The following EYS variants were observed in gnomAD, a reference collection of about 807,000 sequenced individuals.
EYS encodes protein eyes shut homolog.
A neutral mutation model predicts 282.1 loss-of-function variants in EYS; 250 were observed. That is an observed-to-expected ratio of 0.89 (90% CI 0.80 to 0.98). EYS has a LOEUF of 0.98. EYS is among the 50% of genes least tolerant of loss of function. The probability of loss-of-function intolerance (pLI) is 0.00; values close to 1 mark genes in which losing one functional copy is unlikely to be tolerated. For missense variants in EYS, 4,016 were observed against 3,709.0 expected, an observed-to-expected ratio of 1.08 and a Z score of -2.15; for synonymous variants, 1,355 against 1,282.9, an observed-to-expected ratio of 1.06 and a Z score of -1.20.
intron 41 of EYS, among the ~76,000 whole-genome samples, chr6:63,739,734 C>T (rs1769023658): frequency 6.6e-6 from 1 of 152,112 alleles, no homozygotes; most frequent in Non-Finnish European, 1.5e-5. Context: ...TGCTCTGTCT[C>T]CTAGGCTGGA....
chr6:64,538,674 C>T (rs1562048678), intron 26 of EYS, among the ~76,000 whole-genome samples: 1 of 152,114 alleles, frequency 6.6e-6, no homozygotes, highest in Non-Finnish European at 1.5e-5. Flanking sequence ...TTACTAAGTG[C>T]ACTTATTGTG....
chr6:63,842,214 G>T (rs1470229748), intron 36 of EYS, among the ~76,000 whole-genome samples: 2 of 152,046 alleles, frequency 1.3e-5, no homozygotes, highest in African/African-American at 4.8e-5. Flanking sequence ...GAACTAATTT[G>T]CACTCCCACC....
chr6:65,603,038 A>G (rs1290823065), intron 2 of EYS, among the ~76,000 whole-genome samples: 1 of 151,936 alleles, frequency 6.6e-6, no homozygotes, highest in East Asian at 1.9e-4. Flanking sequence ...GAGATTCAGA[A>G]ATGTGGATAC....
intron 30 of EYS, among the ~76,000 whole-genome samples, chr6:64,295,742 A>T (rs115726410): frequency 0.024 from 3,396 of 143,070 alleles, 125 homozygotes; most frequent in African/African-American, 0.083. Flanking sequence ...AAAAAAAAAA[A>T]GAAAATGGGT....
At chr6:64,508,917 T>A (rs946243946) in intron 26 of EYS, among the ~76,000 whole-genome samples, 1 of 151,980 alleles carries the variant, frequency 6.6e-6, no homozygotes, top group African/African-American at 2.4e-5. Context: ...ATGTTTATGC[T>A]TTTAGCCAGA....
chr6:64,784,272 T>G (rs1773951112), intron 22 of EYS, among the ~76,000 whole-genome samples: 1 of 152,096 alleles, frequency 6.6e-6, no homozygotes, highest in African/African-American at 2.4e-5. Flanking sequence ...AAAATAATTG[T>G]TTTTTCCTAA....
At chr6:65,439,991 G>A (rs1004803798) in intron 5 of EYS, among the ~76,000 whole-genome samples, 2 of 152,014 alleles carry the variant, frequency 1.3e-5, no homozygotes, top group African/African-American at 4.8e-5. Context: ...AGCAGACTAG[G>A]AGGAGGAGGT....
intron 29 of EYS, among the ~76,000 whole-genome samples, chr6:64,358,832 C>T (rs572090540): frequency 6.7e-4 from 102 of 151,750 alleles, no homozygotes; most frequent in African/African-American, 2.3e-3. Flanking sequence ...TTTGTCAAAG[C>T]AGAAGAAATG....
chr6:64,570,836 G>T (rs897971181), intron 26 of EYS, among the ~76,000 whole-genome samples: 17 of 152,060 alleles, frequency 1.1e-4, no homozygotes, highest in African/African-American at 4.1e-4. Flanking sequence ...ATAATGGTGG[G>T]AGATTTTAAC....
intron 36 of EYS, among the ~76,000 whole-genome samples, chr6:63,811,567 A>G (rs1261215419): frequency 2.0e-5 from 3 of 152,028 alleles, no homozygotes; most frequent in Non-Finnish European, 4.4e-5. Flanking sequence ...GATCATGAGT[A>G]CCGTTTACAG....
chr6:64,136,505 C>T (rs1278289461), intron 31 of EYS, among the ~76,000 whole-genome samples: 2 of 152,036 alleles, frequency 1.3e-5, no homozygotes, highest in African/African-American at 2.4e-5. Flanking sequence ...GCAGCTATAA[C>T]CTTACAAAAT....
intron 2 of EYS, among the ~76,000 whole-genome samples, chr6:65,512,268 G>A (rs898535293): frequency 4.0e-5 from 6 of 151,856 alleles, no homozygotes; most frequent in Non-Finnish European, 7.4e-5. Context: ...CAAGGCAGGC[G>A]GTTCACGAGG....
intron 2 of EYS, among the ~76,000 whole-genome samples, chr6:65,606,621 A>G (rs1388918741): frequency 6.6e-6 from 1 of 151,838 alleles, no homozygotes; most frequent in African/African-American, 2.4e-5. Flanking sequence ...AACTCAAAAT[A>G]CGGAAAACTG....
At chr6:64,738,915 A>G (rs1772277195) in intron 22 of EYS, among the ~76,000 whole-genome samples, 1 of 152,036 alleles carries the variant, frequency 6.6e-6, no homozygotes, top group Non-Finnish European at 1.5e-5. Flanking sequence ...CTGCCACCAC[A>G]TCCCGCTAAT....
At chr6:65,135,402 T>A (rs537179989) in intron 12 of EYS, among the ~76,000 whole-genome samples, 76 of 152,114 alleles carry the variant, frequency 5.0e-4, no homozygotes, top group African/African-American at 1.7e-3. Context: ...TTATTTAATA[T>A]GCAAAAACTT....
At chr6:65,322,599 A>G (rs1769504402) in intron 11 of EYS, among the ~76,000 whole-genome samples, 1 of 152,026 alleles carries the variant, frequency 6.6e-6, no homozygotes, top group Admixed American at 6.6e-5. Flanking sequence ...GATCGAGACC[A>G]TCCTGGCCAA....
chr6:64,121,402 G>T (rs1273309609), intron 31 of EYS, among the ~76,000 whole-genome samples: 1 of 152,068 alleles, frequency 6.6e-6, no homozygotes, highest in Non-Finnish European at 1.5e-5. Flanking sequence ...CAGATTAGAA[G>T]ATTAGGACTT....
intron 23 of EYS, among the ~76,000 whole-genome samples, chr6:64,621,590 C>A (rs964912417): frequency 3.0e-4 from 45 of 152,222 alleles, no homozygotes; most frequent in African/African-American, 9.4e-4. Context: ...TATTCTGTAT[C>A]TCTTTTGTTC....
At chr6:64,502,480 C>T (rs953881505) in intron 26 of EYS, among the ~76,000 whole-genome samples, 5 of 152,086 alleles carry the variant, frequency 3.3e-5, no homozygotes, top group Admixed American at 1.3e-4. Flanking sequence ...CTCGGCCTCC[C>T]AAAAGTGCTG....
Sources: allele counts gnomAD v4.1 joint callset (sites outside exome capture counted in the v4.1 genomes callset), GRCh38; gene constraint gnomAD v4.1.1; transcripts MANE v1.5; gene names NCBI Gene and HGNC (gene_info 2026-07-23, HGNC 2026-07-21).